The following PDXK variants were observed in gnomAD, a reference collection of about 807,000 sequenced individuals.
The protein encoded by PDXK is epididymis secretory sperm binding protein Li 1a.
Under a neutral mutation model 43.2 loss-of-function variants are expected in PDXK, and 15 were observed. That is an observed-to-expected ratio of 0.35 (90% CI 0.23 to 0.53). The LOEUF is 0.53. Ranked by LOEUF, PDXK falls within the 20% of genes least tolerant of loss-of-function variation. The pLI is 0.92. For missense variants in PDXK, 343 were observed against 417.0 expected (o/e 0.82, Z 1.54); for synonymous variants, 172 against 165.4 (o/e 1.04, Z -0.31).
chr21:43,740,509 C>G (rs1048086165), intron 2 of PDXK, among the ~76,000 whole-genome samples: 2 of 152,022 alleles, frequency 1.3e-5, no homozygotes, highest in East Asian at 3.8e-4. Context: ...TGAGGCGTTT[C>G]TCATGGGCGA....
At chr21:43,753,486 C>T in intron 8 of PDXK, 97 bp from the exon 9 acceptor site, 1 of 1,334,960 alleles carries the variant, frequency 7.5e-7, no homozygotes, top group South Asian at 1.4e-5. Flanking sequence ...CCCCTGTGAC[C>T]CTCCCTGCCG....
In PDXK at chr21:43,734,235, C is replaced by T. The variant is rs187699650; in HGVS notation, c.142+112C>T. ...GTGTGGGTGTGAGGGACGGGGCTTT[C>T]GTGTGGACGGGGACCTGGAGTCCTG... On this transcript the variant is annotated intron_variant, in intron 2 of 10. Coordinates refer to ENST00000291565, the MANE Select transcript of PDXK (RefSeq NM_003681.5). The surrounding 1 kb of genome is among the most constrained non-coding windows in gnomAD (Gnocchi z 5.0). 287 of 993,876 alleles carry T rather than the reference C, an allele frequency of 2.9e-4. 1 individual carries two copies. The African/African-American group carries it at 3.9e-3, about 13-fold the overall frequency. 61.6% of individuals were successfully genotyped at this position (993,876 alleles called of 1,614,324 possible).
Position 43,737,836 on chromosome 21 carries a change from T to G in PDXK, c.142+3713T>G. On this transcript the variant is annotated intron_variant, in intron 2 of 10. Coordinates refer to ENST00000291565, the MANE Select transcript of PDXK (RefSeq NM_003681.5). This position sits in a 1 kb window ranked among gnomAD's most constrained non-coding sequence, Gnocchi z 4.8. The stretch of plus-strand genomic sequence containing the variant: ...GAGGAACCGCTTGTTTGCCTGTGCT[T>G]TTTCATCTGTAAATGGAATGAGTTG... 1 of 985,458 alleles carries G rather than the reference T, an allele frequency of 1.0e-6. No homozygotes were observed. The highest frequency in any genetic ancestry group is 1.2e-6 in the Non-Finnish European group (1 of 829,954). 61.0% of individuals were successfully genotyped at this position (985,458 alleles called of 1,614,324 possible).
intron 1 of PDXK, among the ~76,000 whole-genome samples, chr21:43,726,858 G>A (rs530843343): frequency 1.8e-4 from 27 of 152,090 alleles, no homozygotes; most frequent in African/African-American, 5.8e-4. Context: ...GTGTGTACAT[G>A]GTGTGTGTGT....
At chr21:43,739,178 C>T (rs865977927) in intron 2 of PDXK, among the ~76,000 whole-genome samples, 39 of 152,220 alleles carry the variant, frequency 2.6e-4, no homozygotes, top group African/African-American at 8.7e-4. Flanking sequence ...TCACACACCA[C>T]GCCCAGCTAA....
At chr21:43,751,164 G>T (rs2083744855) in intron 7 of PDXK, among the ~76,000 whole-genome samples, 1 of 152,228 alleles carries the variant, frequency 6.6e-6, no homozygotes, top group Non-Finnish European at 1.5e-5. Context: ...TGGAGACCGT[G>T]CGTGTCTTGC....
At chr21:43,739,979 G>A (rs868152033) in intron 2 of PDXK, among the ~76,000 whole-genome samples, 9 of 151,784 alleles carry the variant, frequency 5.9e-5, no homozygotes, top group Non-Finnish European at 1.2e-4. Context: ...GTGAGGCACT[G>A]ACCTCGCCCG....
At position 43,723,301 on chromosome 21, in the gene PDXK, T is replaced by C. The variant is rs1358214486; in HGVS notation, c.87+3920T>C. Among the ~76,000 whole-genome samples, 1 of 152,004 alleles carries C rather than the reference T, an allele frequency of 6.6e-6. No individual in the cohort carries two copies. The highest frequency in any genetic ancestry group is 1.5e-5 in the Non-Finnish European group (1 of 68,016). The stretch of plus-strand genomic sequence containing the variant: ...TCCTGAGTAGCTGGGATTACAAGTA[T>C]GCACCACCACACCTGACTAATTTTT... On this transcript the variant is annotated intron_variant, in intron 1 of 10. Transcript: ENST00000291565. This position sits in a 1 kb window ranked among gnomAD's most constrained non-coding sequence, Gnocchi z 4.1.
chr21:43,745,974 A>T, intron 4 of PDXK, 105 bp from the exon 5 acceptor site: 2 of 909,718 alleles, frequency 2.2e-6, no homozygotes, highest in South Asian at 1.4e-5. Context: ...TCCAGCCTGG[A>T]CAACAGAGCA....
chr21:43,733,434 A>G (rs755160919), intron 1 of PDXK, among the ~76,000 whole-genome samples: 2 of 152,010 alleles, frequency 1.3e-5, no homozygotes, highest in South Asian at 4.1e-4. Context: ...ATGGCCCCCC[A>G]AACTAGCGGA....
Position 43,760,198 on chromosome 21 carries a change from G to A in PDXK, c.*4135G>A, listed in dbSNP as rs2329600. 1 allele frequency: 150,336 copies of A among 150,498 alleles called. 75,087 individuals carry two copies. Among genetic ancestry groups the A allele is most frequent in the Middle Eastern group, 1 (286 of 286 alleles). The allele number at this position is 150,498 out of a possible 1,614,324, so 9.3% of individuals were successfully genotyped here. A position where few individuals can be genotyped will look rare whatever the true frequency, so the allele number is the denominator to read the frequency against. On this transcript the variant is annotated 3_prime_UTR_variant, in exon 11 of 11. Coordinates refer to ENST00000291565, the MANE Select transcript of PDXK (RefSeq NM_003681.5). Reference sequence around the variant, plus strand: ...TTTTTTTTGTTTTTTTTTTTTTGAGGTGAAGTCTCGCTCTGACACCCAGGC... The same window carrying A: ...TTTTTTTTGTTTTTTTTTTTTTGAGATGAAGTCTCGCTCTGACACCCAGGC...
chr21:43,742,039 G>A (rs557088213), intron 3 of PDXK, among the ~76,000 whole-genome samples: 73 of 152,252 alleles, frequency 4.8e-4, no homozygotes, highest in African/African-American at 1.7e-3. Context: ...CCAGGGGAGG[G>A]TGCAGGCAGG....
intron 2 of PDXK, chr21:43,741,090 G>T (rs1385042564): frequency 7.4e-6 from 1 of 134,510 alleles, no homozygotes; most frequent in Admixed American, 7.6e-5. Flanking sequence ...GCTCCCGCAG[G>T]AACTGGCAGT....
chr21:43,737,145 G>C lies in PDXK; in HGVS notation c.142+3022G>C. The C allele has an allele frequency of 7.1e-7, 1 of 1,412,132 alleles. No homozygotes were observed. Among genetic ancestry groups the C allele is most frequent in the Non-Finnish European group, 9.5e-7 (1 of 1,050,270 alleles). 87.5% of individuals were successfully genotyped at this position (1,412,132 alleles called of 1,614,324 possible). The stretch of plus-strand genomic sequence containing the variant: ...GTGGTCACGTGGGCAGCTTCTGCCT[G>C]GGATGGGCCACAAAGCCAGACTCCC... On this transcript the variant is annotated intron_variant, in intron 2 of 10. Transcript: ENST00000291565. The surrounding 1 kb of genome is among the most constrained non-coding windows in gnomAD (Gnocchi z 4.8).
chr21:43,727,080 T>G (rs1202886176), intron 1 of PDXK, among the ~76,000 whole-genome samples: 1 of 152,202 alleles, frequency 6.6e-6, no homozygotes, highest in Non-Finnish European at 1.5e-5. Flanking sequence ...CTAGGAGGCT[T>G]GGTGTGACTG....
Position 43,743,770 on chromosome 21 carries a change from G to T in PDXK, c.294G>T (p.Val98=). 1 of 1,613,844 alleles carries T rather than the reference G, an allele frequency of 6.2e-7. No homozygotes were observed. Among genetic ancestry groups the T allele is most frequent in the Non-Finnish European group, 8.5e-7 (1 of 1,179,802 alleles). The change falls in exon 4 of 11, where the codon GTG becomes GTT. Residue 98 remains valine (V), a synonymous_variant. Transcript: ENST00000291565. Reference sequence around the variant, plus strand: ...TCCTGGCCATGGTGGTGGACATTGTGCAGGAGCTGAAGCAGCAGAACCCCA... The same window carrying T: ...TCCTGGCCATGGTGGTGGACATTGTTCAGGAGCTGAAGCAGCAGAACCCCA... ...KSFLAMVVDI[V]QELKQQNPRL... is the part of the protein sequence containing the mutation.
chr21:43,723,340 T>G lies in PDXK; in HGVS notation c.87+3959T>G, dbSNP rs552713802. ...TGACTAATTTTTCTGTATTTCTGTT[T>G]AGTAGAGATGGGGTTTCACTATGTT... On this transcript the variant is annotated intron_variant, in intron 1 of 10. Coordinates refer to ENST00000291565, the MANE Select transcript of PDXK (RefSeq NM_003681.5). This position sits in a 1 kb window ranked among gnomAD's most constrained non-coding sequence, Gnocchi z 4.1. Among the ~76,000 whole-genome samples the G allele has an allele frequency of 6.6e-6, 1 of 151,956 alleles. No individual in the cohort carries two copies. The highest frequency in any genetic ancestry group is 2.1e-4 in the South Asian group (1 of 4,820).
chr21:43,720,728 G>A (rs1440956228), intron 1 of PDXK, among the ~76,000 whole-genome samples: 1 of 152,146 alleles, frequency 6.6e-6, no homozygotes, highest in African/African-American at 2.4e-5. Context: ...CAGAGTCAGA[G>A]GTAGGATTGG....
In PDXK at chr21:43,761,398, G is replaced by A. The variant is rs2083929966; in HGVS notation, c.*5335G>A. On this transcript the variant is annotated 3_prime_UTR_variant, in exon 11 of 11. Coordinates refer to ENST00000291565, the MANE Select transcript of PDXK (RefSeq NM_003681.5). ...TCTCTGTCCTGCCCGTCAGTGCTGG[G>A]ACGGACAGCAAGGGCAAGCCCAGTG... The A allele has an allele frequency of 1.3e-5, 2 of 156,324 alleles. No individual in the cohort carries two copies. Among genetic ancestry groups the A allele is most frequent in the Non-Finnish European group, 2.9e-5 (2 of 69,576 alleles). 9.7% of individuals were successfully genotyped at this position (156,324 alleles called of 1,614,324 possible). A position where few individuals can be genotyped will look rare whatever the true frequency, so the allele number is the denominator to read the frequency against.
Sources: allele counts gnomAD v4.1 joint callset (sites outside exome capture counted in the v4.1 genomes callset), GRCh38; gene constraint gnomAD v4.1.1; non-coding constraint Gnocchi (gnomAD v3.1); transcripts MANE v1.5; gene names NCBI Gene and HGNC (gene_info 2026-07-23, HGNC 2026-07-21).